Variants in ZNF44 observed in about 807,000 individuals in gnomAD.
The protein encoded by ZNF44 is gonadotropin inducible transcription repressor-2.
Under a neutral mutation model 11.7 loss-of-function variants are expected in ZNF44, and 9 were observed. The observed-to-expected ratio is 0.77, with a 90% CI of 0.46 to 1.35. The LOEUF (loss-of-function observed/expected upper bound fraction) is 1.35, where lower values mean the gene tolerates loss of function less well. Among genes scored for constraint, ZNF44 ranks in the 40% most tolerant of loss-of-function variants. The pLI is 0.00. For missense variants in ZNF44, 696 were observed against 743.1 expected, an observed-to-expected ratio of 0.94 and a Z score of 0.74; for synonymous variants, 224 against 242.7, an observed-to-expected ratio of 0.92 and a Z score of 0.72.
At position 12,272,262 on chromosome 19, in the gene ZNF44, C is replaced by T; in HGVS notation, c.*145G>A. On this transcript the variant is annotated 3_prime_UTR_variant, in exon 4 of 4. Coordinates refer to ENST00000355684, the MANE Select transcript of ZNF44 (RefSeq NM_016264.4). ...TCGTGATCTGCCCTCCTCGGCCTCT[C>T]AAAGTGCTGGGATTACAGGTGTGAG... 9 of 1,302,644 alleles carry T rather than the reference C, an allele frequency of 6.9e-6. No individual in the cohort carries two copies. The highest frequency in any genetic ancestry group is 8.8e-6 in the Non-Finnish European group (9 of 1,026,526). The allele number at this position is 1,302,644 out of a possible 1,614,324, so 80.7% of individuals were successfully genotyped here.
chr19:12,284,304 A>G (rs539390922), intron 1 of ZNF44: 20 of 461,422 alleles, frequency 4.3e-5, no homozygotes, highest in African/African-American at 2.2e-4. Flanking sequence ...ATAAATATTA[A>G]AAGGTATAGC....
At chr19:12,270,367 T>C (rs764755023), downstream of ZNF44, among the ~76,000 whole-genome samples, 3 of 152,074 alleles carry the variant, frequency 2.0e-5, no homozygotes, top group Non-Finnish European at 4.4e-5. Flanking sequence ...TAAGTGATGT[T>C]CTTGCCTTCT....
At chr19:12,249,644 C>T (rs1199601995) in intron 7 of ZNF44, among the ~76,000 whole-genome samples, 1 of 152,116 alleles carries the variant, frequency 6.6e-6, no homozygotes, top group African/African-American at 2.4e-5. Context: ...CCTCCGCCTC[C>T]CGGGTTAAAG....
chr19:12,234,317 T>G (rs1224133366), intron 2 of ZNF44, among the ~76,000 whole-genome samples: 3 of 152,216 alleles, frequency 2.0e-5, no homozygotes, highest in African/African-American at 7.2e-5. Context: ...TTACAGTAAG[T>G]ATATTATTTG....
Position 12,284,881 on chromosome 19 carries a change from T to C in ZNF44, c.4-8799A>G, listed in dbSNP as rs528788163. The C allele has an allele frequency of 7.9e-6, 6 of 756,392 alleles. No homozygotes were observed. In the East Asian group the frequency reaches 1.3e-4, roughly 17 times the overall value. The allele number at this position is 756,392 out of a possible 1,614,324, so 46.9% of individuals were successfully genotyped here. ...ACAGGCCACTGCGGCTCTGTGCTGGTGCGCCTCATCCCCGCACCCAGGGAC... is the reference window on the plus strand; with the variant it reads ...ACAGGCCACTGCGGCTCTGTGCTGGCGCGCCTCATCCCCGCACCCAGGGAC... On this transcript the variant is annotated intron_variant, in intron 1 of 3. Transcript: ENST00000355684.
At chr19:12,227,050 A>G (rs988225518) in intron 3 of ZNF44, among the ~76,000 whole-genome samples, 1 of 152,132 alleles carries the variant, frequency 6.6e-6, no homozygotes, top group African/African-American at 2.4e-5. Context: ...GCTACAGAGC[A>G]AGACTCTGTC....
intron 1 of ZNF44, among the ~76,000 whole-genome samples, chr19:12,288,771 A>ATATATATATAT (rs1253278392): frequency 2.6e-5 from 1 of 38,368 alleles, no homozygotes; most frequent in Non-Finnish European, 4.5e-5. Context: ...AAAAAAAAAA[A>ATATATATATAT]ATGTATATAT....
chr19:12,247,372 T>C (rs1260790679), downstream of ZNF44: 2 of 1,301,588 alleles, frequency 1.5e-6, no homozygotes, highest in Non-Finnish European at 2.0e-6. Flanking sequence ...TTCTCTCCAG[T>C]GTGCATTCTC....
At chr19:12,265,479 T>A (rs1413313998) in intron 5 of ZNF44, among the ~76,000 whole-genome samples, 1 of 152,196 alleles carries the variant, frequency 6.6e-6, no homozygotes, top group African/African-American at 2.4e-5. Context: ...GTACCATCCT[T>A]CACGCTCTAG....
chr19:12,286,425 G>A (rs1447433437), intron 1 of ZNF44, among the ~76,000 whole-genome samples: 12 of 152,034 alleles, frequency 7.9e-5, no homozygotes, highest in Admixed American at 7.9e-4. Flanking sequence ...CACAAAGTCA[G>A]GAGTTCGAGA....
chr19:12,228,050 T>G (rs1270981317), intron 3 of ZNF44, among the ~76,000 whole-genome samples: 1 of 152,232 alleles, frequency 6.6e-6, no homozygotes, highest in Non-Finnish European at 1.5e-5. Context: ...GTGTTTTTAT[T>G]TTAATGCTCA....
At chr19:12,270,912 T>C (rs1966927889), downstream of ZNF44, among the ~76,000 whole-genome samples, 1 of 152,104 alleles carries the variant, frequency 6.6e-6, no homozygotes, top group South Asian at 2.1e-4. Flanking sequence ...TTGGAAGCCA[T>C]TGGAGTGAGG....
At chr19:12,227,299 T>C (rs1568416560) in intron 3 of ZNF44, among the ~76,000 whole-genome samples, 1 of 151,894 alleles carries the variant, frequency 6.6e-6, no homozygotes, top group Non-Finnish European at 1.5e-5. Context: ...TGTTTATGGA[T>C]GACAGAAAGT....
At chr19:12,265,800 GATTATTA>G in intron 5 of ZNF44, among the ~76,000 whole-genome samples, 1 of 152,316 alleles carries the variant, frequency 6.6e-6, no homozygotes, top group Middle Eastern at 3.4e-3. Flanking sequence ...GTGGAAAATA[GATTATTA>G]AAACACAGTA....
In ZNF44 at chr19:12,272,853, T is replaced by G; in HGVS notation, c.1402A>C (p.Thr468Pro). The G allele has an allele frequency of 6.2e-7, 1 of 1,614,108 alleles. No individual in the cohort carries two copies. The highest frequency in any genetic ancestry group is 1.1e-5 in the South Asian group (1 of 91,084). ...SDLFSFQSHE[T>P]THSEEEPYEC... ...TAAGGCTCCTCTTCACTGTGTGTTGTTTCATGACTTTGAAAGGAAAATAAA... is the reference window on the plus strand; with the variant it reads ...TAAGGCTCCTCTTCACTGTGTGTTGGTTCATGACTTTGAAAGGAAAATAAA... The change falls in exon 4 of 4, where the codon ACA (threonine) becomes CCA (proline). Residue 468 changes from threonine (T) to proline (P), a missense_variant. Transcript: ENST00000355684.
intron 1 of ZNF44, among the ~76,000 whole-genome samples, chr19:12,289,948 T>G (rs1305481478): frequency 1.3e-5 from 2 of 151,888 alleles, no homozygotes; most frequent in Non-Finnish European, 2.9e-5. Flanking sequence ...AACTCATTTC[T>G]TAGCTAAATC....
Position 12,231,825 on chromosome 19 carries a change from T to C in ZNF44, n.381-1310A>G, listed in dbSNP as rs189121302. Among the ~76,000 whole-genome samples the C allele has an allele frequency of 2.0e-3, 301 of 152,288 alleles. 1 individual carries two copies. The highest frequency in any genetic ancestry group is 6.7e-3 in the African/African-American group (280 of 41,576). ...TGTCCCTGGACTTTTTTGAGAACAATAGAGCTATCTGAAGGGGTGGGTTGC... is the reference window on the plus strand; with the variant it reads ...TGTCCCTGGACTTTTTTGAGAACAACAGAGCTATCTGAAGGGGTGGGTTGC... On this transcript the variant is annotated intron_variant and non_coding_transcript_variant, in intron 2 of 3. Coordinates refer to the ZNF44 transcript ENST00000597563.
At chr19:12,230,042 AGTT>A (rs1189677424) in intron 3 of ZNF44, among the ~76,000 whole-genome samples, 1 of 152,186 alleles carries the variant, frequency 6.6e-6, no homozygotes, top group East Asian at 1.9e-4. Context: ...TTGGTTATAA[AGTT>A]GTTAAGGTTC....
intron 3 of ZNF44, among the ~76,000 whole-genome samples, chr19:12,226,914 A>AAATT (rs1279441427): frequency 1.3e-5 from 2 of 152,140 alleles, no homozygotes; most frequent in African/African-American, 4.8e-5. Context: ...GAAAATACAA[A>AAATT]AATTAGCCGG....
Sources: allele counts gnomAD v4.1 joint callset (sites outside exome capture counted in the v4.1 genomes callset), GRCh38; gene constraint gnomAD v4.1.1; transcripts MANE v1.5; gene names NCBI Gene and HGNC (gene_info 2026-07-23, HGNC 2026-07-21).